LENG8: variants seen among roughly 807,000 people sequenced by gnomAD.
The protein encoded by LENG8 is leukocyte receptor cluster member 8, also known as leukocyte receptor cluster (LRC) member 8.
Under a neutral mutation model 102.1 loss-of-function variants are expected in LENG8, and 28 were observed. The observed-to-expected ratio is 0.27, with a 90% CI of 0.20 to 0.38. The LOEUF (loss-of-function observed/expected upper bound fraction) is 0.38, where lower values mean the gene tolerates loss of function less well. Among genes scored for constraint, LENG8 ranks in the 10% least tolerant of loss-of-function variants. The pLI is 1.00. For synonymous variants in LENG8, 531 were observed against 456.7 expected, an observed-to-expected ratio of 1.16 and a Z score of -2.07; for missense variants, 1,022 against 1,113.9, an observed-to-expected ratio of 0.92 and a Z score of 1.17.
intron 7 of LENG8, 124 bp from the exon 8 acceptor site, chr19:54,455,240 A>G (rs1032217342): frequency 7.5e-6 from 11 of 1,474,602 alleles, no homozygotes; most frequent in South Asian, 2.3e-5. Flanking sequence ...TGCTGTGAGC[A>G]CTGAAGGAGA....
chr19:54,461,737 T>G lies in LENG8; in HGVS notation c.*809T>G, dbSNP rs1198893707. The G allele has an allele frequency of 1.2e-5, 6 of 516,564 alleles. No homozygotes were observed. The highest frequency in any genetic ancestry group is 2.3e-5 in the Non-Finnish European group (6 of 257,626). 32.0% of individuals were successfully genotyped at this position (516,564 alleles called of 1,614,324 possible). On this transcript the variant is annotated 3_prime_UTR_variant, in exon 16 of 16. Transcript: ENST00000326764. The stretch of plus-strand genomic sequence containing the variant: ...GATCACCAGCTCACGTCATGTTGCC[T>G]TCTCTTTTCTTTGTGTGTGTGTTTA...
rs369830615 is a variant in LENG8, at chr19:54,460,803, G to A, written c.2278G>A (p.Glu760Lys). Reference protein sequence around the residue: ...PALPVSYLQAELAFEGEAACR... With the variant: ...PALPVSYLQAKLAFEGEAACR... ...GCTGCCAGTCTCCTACCTGCAGGCCGAGCTGGCCTTCGAGGGCGAGGCCGC... is the reference window on the plus strand; with the variant it reads ...GCTGCCAGTCTCCTACCTGCAGGCCAAGCTGGCCTTCGAGGGCGAGGCCGC... The change falls in exon 16 of 16, where the codon GAG (glutamate) becomes AAG (lysine). Residue 760 changes from glutamate (E) to lysine (K), a missense_variant. This residue lies in a region of LENG8 where 129 missense variants were observed against 123.0 expected (regional missense o/e 1.05). Transcript: ENST00000326764. 299 of 1,453,384 alleles carry A rather than the reference G, an allele frequency of 2.1e-4. 1 individual carries two copies. Among genetic ancestry groups the A allele is most frequent in the Non-Finnish European group, 2.5e-4 (273 of 1,081,412 alleles). The allele number at this position is 1,453,384 out of a possible 1,614,324, so 90.0% of individuals were successfully genotyped here.
chr19:54,458,547 C>T, intron 15 of LENG8, 26 bp downstream of exon 15: 1 of 1,613,828 alleles, frequency 6.2e-7, no homozygotes, highest in Non-Finnish European at 8.5e-7. Flanking sequence ...CTCCCTTCTG[C>T]CTTTGCTCTT....
chr19:54,460,592 C>CT, intron 15 of LENG8, 174 bp from the exon 16 acceptor site: 1 of 1,416,478 alleles, frequency 7.1e-7, no homozygotes, highest in South Asian at 1.5e-5. Context: ...CTAACCCCCC[C>CT]CGGGCCCCCC....
chr19:54,452,641 G>A lies in LENG8; in HGVS notation c.214-10G>A, dbSNP rs535953889. 11 of 1,453,802 alleles carry A rather than the reference G, an allele frequency of 7.6e-6. No homozygotes were observed. The highest frequency in any genetic ancestry group is 1.0e-5 in the Non-Finnish European group (11 of 1,052,024). The allele number at this position is 1,453,802 out of a possible 1,614,324, so 90.1% of individuals were successfully genotyped here. A position where few individuals can be genotyped will look rare whatever the true frequency, so the allele number is the denominator to read the frequency against. On this transcript the variant is annotated splice_polypyrimidine_tract_variant and intron_variant, in intron 3 of 15. Transcript: ENST00000326764. ...GGCTGCTGACGGCACATGTGCCTCT[G>A]CTTCCACAGTACGTGTCCCAGGCAG... is the stretch of plus-strand genomic sequence containing the variant.
intron 1 of LENG8, among the ~76,000 whole-genome samples, chr19:54,450,700 G>A: frequency 7.2e-6 from 1 of 139,286 alleles, no homozygotes; most frequent in Non-Finnish European, 1.5e-5. Flanking sequence ...TCAGCTTACC[G>A]CCCTCCGCCT....
At position 54,458,414 on chromosome 19, in the gene LENG8, C is replaced by T. The variant is rs536818072; in HGVS notation, c.2133C>T (p.Tyr711=). Residue 711 remains tyrosine (Y), a synonymous_variant, in exon 15 of 16, where the codon TAC becomes TAT. Transcript: ENST00000326764. The part of the protein sequence containing the change: ...ALRTAWALGN[Y]HRFFRLYCHA... ...GGACAGCCTGGGCCCTGGGCAACTA[C>T]CACCGCTTTTTCCGGCTCTACTGCC... The T allele has an allele frequency of 2.5e-6, 4 of 1,614,268 alleles. No homozygotes were observed. Among genetic ancestry groups the T allele is most frequent in the South Asian group, 1.1e-5 (1 of 91,092 alleles).
At position 54,460,857 on chromosome 19, in the gene LENG8, C is replaced by T; in HGVS notation, c.2332C>T (p.Leu778=). The T allele has an allele frequency of 1.9e-6, 3 of 1,567,428 alleles. No individual in the cohort carries two copies. In the South Asian group the frequency reaches 3.5e-5, roughly 18 times the overall value. The change falls in exon 16 of 16, where the codon CTG becomes TTG. Residue 778 remains leucine, a synonymous_variant. Transcript: ENST00000326764. ...ACRAFLEPLG[L]AYTGPDNSSI... is the part of the protein sequence containing the mutation. ...CCGGGCCTTCCTAGAGCCCCTGGGC[C>T]TGGCCTACACGGGCCCGGACAACTC...
At chr19:54,454,034 C>T (rs2084091462) in intron 5 of LENG8, among the ~76,000 whole-genome samples, 1 of 152,118 alleles carries the variant, frequency 6.6e-6, no homozygotes, top group Admixed American at 6.6e-5. Context: ...GCATCTCGGT[C>T]AGCTCTCGAA....
chr19:54,457,701 GCTAC>G, intron 11 of LENG8, 42 bp from the exon 12 acceptor site: 2 of 1,392,808 alleles, frequency 1.4e-6, no homozygotes, highest in Non-Finnish European at 2.0e-6. Context: ...CGTTGGCCAC[GCTAC>G]CTGAGTTGTA....
intron 10 of LENG8, 46 bp downstream of exon 10, chr19:54,456,511 G>A: frequency 1.9e-6 from 3 of 1,562,514 alleles, no homozygotes; most frequent in Non-Finnish European, 2.6e-6. Context: ...GTGGAGGAGG[G>A]TACTGGGGAC....
chr19:54,452,481 T>G (rs2084008437), intron 3 of LENG8, among the ~76,000 whole-genome samples, 170 bp from the exon 4 acceptor site: 1 of 152,238 alleles, frequency 6.6e-6, no homozygotes, highest in Admixed American at 6.5e-5. Context: ...CCCATGCCCC[T>G]GGTCTCTAAC....
At chr19:54,456,586 AG>A in intron 10 of LENG8, 49 bp from the exon 11 acceptor site, 4 of 1,561,898 alleles carry the variant, frequency 2.6e-6, no homozygotes, top group Non-Finnish European at 3.5e-6. Context: ...GCGAGGCTGA[AG>A]GGGGGCTGGA....
rs759699700 is a variant in LENG8, at chr19:54,452,647, A to G, written c.214-4A>G. On this transcript the variant is annotated splice_region_variant and splice_polypyrimidine_tract_variant and intron_variant, in intron 3 of 15. Coordinates refer to ENST00000326764, the MANE Select transcript of LENG8 (RefSeq NM_052925.4). ...TGACGGCACATGTGCCTCTGCTTCC[A>G]CAGTACGTGTCCCAGGCAGAAGCCT... 82 of 1,612,106 alleles carry G rather than the reference A, an allele frequency of 5.1e-5. No homozygotes were observed. The highest frequency in any genetic ancestry group is 6.4e-5 in the Non-Finnish European group (76 of 1,178,606).
At chr19:54,458,703 G>A (rs2084380751) in intron 15 of LENG8, 182 bp downstream of exon 15, 1 of 1,551,076 alleles carries the variant, frequency 6.4e-7, no homozygotes, top group Admixed American at 2.0e-5. Context: ...TCTCCTTGTT[G>A]GTCACCTCTG....
At chr19:54,460,312 C>G in intron 15 of LENG8, 1 of 1,245,552 alleles carries the variant, frequency 8.0e-7, no homozygotes, top group Non-Finnish European at 1.0e-6. Flanking sequence ...TGACTGCTTT[C>G]AGTGTGTAGT....
intron 7 of LENG8, 115 bp downstream of exon 7, chr19:54,455,207 C>A: frequency 1.3e-6 from 2 of 1,513,134 alleles, no homozygotes; most frequent in Non-Finnish European, 9.1e-7. Context: ...CTGAAAAGGG[C>A]AGAAGGACCC....
At chr19:54,454,324 TTGAGTGC>T (rs777785136) in intron 5 of LENG8, 99 bp from the exon 6 acceptor site, 53 of 1,156,696 alleles carry the variant, frequency 4.6e-5, no homozygotes, top group Non-Finnish European at 6.0e-5. Flanking sequence ...CACGGGAGGG[TTGAGTGC>T]TGAGTGCTGT....
At chr19:54,458,724 C>T (rs1204331074) in intron 15 of LENG8, 6 of 1,551,274 alleles carry the variant, frequency 3.9e-6, no homozygotes, top group Non-Finnish European at 5.2e-6. Flanking sequence ...TGTTCCGGGT[C>T]ACTCCTCTCC....
Sources: allele counts gnomAD v4.1 joint callset (sites outside exome capture counted in the v4.1 genomes callset), GRCh38; gene constraint gnomAD v4.1.1; regional missense constraint gnomAD v4.1.1; transcripts MANE v1.5; gene names NCBI Gene and HGNC (gene_info 2026-07-23, HGNC 2026-07-21).